Variants in CAMKMT observed in about 807,000 individuals in gnomAD.
CAMKMT encodes CaM KMT.
In CAMKMT, 53 loss-of-function variants were observed where a neutral mutation model predicts 48.0. That is an observed-to-expected ratio of 1.10 (90% CI 0.89 to 1.39). The LOEUF (loss-of-function observed/expected upper bound fraction) is 1.39, where lower values mean the gene tolerates loss of function less well. CAMKMT is among the 40% of genes most tolerant of loss of function. CAMKMT has a pLI of 0.00. For synonymous variants in CAMKMT, 165 were observed against 152.3 expected (o/e 1.08, Z -0.61); for missense variants, 428 against 402.7 (o/e 1.06, Z -0.54).
intron 7 of CAMKMT, among the ~76,000 whole-genome samples, chr2:44,722,570 T>C (rs1008450664): frequency 6.6e-6 from 1 of 152,130 alleles, no homozygotes; most frequent in African/African-American, 2.4e-5. Flanking sequence ...TTTTACCCCA[T>C]TATTTTGTAC....
chr2:44,771,494 T>A (rs923926866), intron 10 of CAMKMT, among the ~76,000 whole-genome samples: 5 of 150,150 alleles, frequency 3.3e-5, no homozygotes, highest in Non-Finnish European at 7.5e-5. Flanking sequence ...TGTTGGAGTA[T>A]GTTCTCCTCC....
chr2:44,478,944 C>T (rs917573009), intron 3 of CAMKMT, among the ~76,000 whole-genome samples: 2 of 152,162 alleles, frequency 1.3e-5, no homozygotes, highest in Non-Finnish European at 2.9e-5. Flanking sequence ...CGTGATCCGC[C>T]CGCCTCGGCC....
rs1222957320 is a variant in CAMKMT, at chr2:44,456,451, AATT to A, written c.376+66152_376+66154del. 3.0e-6 allele frequency: 4 copies of A among 1,315,646 alleles called. No homozygotes were observed. The Admixed American group carries it at 8.3e-5, about 27-fold the overall frequency. 81.5% of individuals were successfully genotyped at this position (1,315,646 alleles called of 1,614,324 possible). On this transcript the variant is annotated intron_variant, in intron 3 of 10. Coordinates refer to ENST00000378494, the MANE Select transcript of CAMKMT (RefSeq NM_024766.5). ...AGCCCTCTTACCCTCTATTTCTCAG[AATT>A]ATTATATAAATATGTACATTCTTGT...
intron 3 of CAMKMT, among the ~76,000 whole-genome samples, chr2:44,410,190 T>C (rs1208901350): frequency 1.6e-5 from 2 of 122,978 alleles, no homozygotes; most frequent in Non-Finnish European, 3.3e-5. Context: ...CCAGTAGTAA[T>C]ACGTGTATCC....
chr2:44,559,394 C>T (rs1211840195), intron 3 of CAMKMT, among the ~76,000 whole-genome samples: 1 of 152,128 alleles, frequency 6.6e-6, no homozygotes, highest in African/African-American at 2.4e-5. Context: ...CATCAAGAGC[C>T]TATGTGTTCC....
intron 9 of CAMKMT, among the ~76,000 whole-genome samples, chr2:44,755,533 C>T (rs1334106443): frequency 6.6e-6 from 1 of 152,092 alleles, no homozygotes; most frequent in Non-Finnish European, 1.5e-5. Flanking sequence ...ACAAATAGTA[C>T]TTCACTCATC....
At chr2:44,571,536 A>G (rs1668901805) in intron 3 of CAMKMT, among the ~76,000 whole-genome samples, 1 of 152,214 alleles carries the variant, frequency 6.6e-6, no homozygotes, top group African/African-American at 2.4e-5. Flanking sequence ...AATCCTGTGT[A>G]TTCTCTTATT....
chr2:44,739,765 G>A (rs575898820), intron 7 of CAMKMT, among the ~76,000 whole-genome samples: 27 of 152,272 alleles, frequency 1.8e-4, no homozygotes, highest in South Asian at 6.2e-4. Context: ...GCAACAGAGC[G>A]TCAAACAATT....
intron 3 of CAMKMT, among the ~76,000 whole-genome samples, chr2:44,689,264 T>TTTTATTTATTTA (rs148599125): frequency 0.048 from 6,530 of 136,184 alleles, 228 homozygotes; most frequent in Non-Finnish European, 0.063. Context: ...CAGCACTATT[T>TTTTATTTATTTA]TTTATTTATT....
intron 3 of CAMKMT, among the ~76,000 whole-genome samples, chr2:44,644,945 T>C (rs1350015310): frequency 6.6e-6 from 1 of 152,244 alleles, no homozygotes; most frequent in East Asian, 1.9e-4. Flanking sequence ...GCAAGAGTTC[T>C]GTCGTTCTCT....
chr2:44,732,512 C>T (rs942006290), intron 7 of CAMKMT, among the ~76,000 whole-genome samples: 9 of 152,126 alleles, frequency 5.9e-5, no homozygotes, highest in Admixed American at 5.9e-4. Flanking sequence ...GATGGTAAAA[C>T]TTATATAGGT....
At chr2:44,739,838 A>T (rs1425408281) in intron 7 of CAMKMT, among the ~76,000 whole-genome samples, 1 of 152,186 alleles carries the variant, frequency 6.6e-6, no homozygotes, top group Admixed American at 6.5e-5. Flanking sequence ...TCAGGAGAGG[A>T]TATTTTACAA....
At chr2:44,686,751 C>G (rs77364535) in intron 3 of CAMKMT, among the ~76,000 whole-genome samples, 5,107 of 152,242 alleles carry the variant, frequency 0.034, 119 homozygotes, top group Non-Finnish European at 0.052. Flanking sequence ...GATGACTAAC[C>G]CTATGCTCAT....
chr2:44,395,928 C>A (rs1347476368), intron 3 of CAMKMT, among the ~76,000 whole-genome samples: 1 of 151,990 alleles, frequency 6.6e-6, no homozygotes, highest in Non-Finnish European at 1.5e-5. Flanking sequence ...TGCAGAAATA[C>A]ACATATAAAT....
At chr2:44,395,949 A>C (rs1681797685) in intron 3 of CAMKMT, among the ~76,000 whole-genome samples, 1 of 152,150 alleles carries the variant, frequency 6.6e-6, no homozygotes, top group African/African-American at 2.4e-5. Context: ...CAATATTTTT[A>C]GAATAAAGTG....
chr2:44,565,683 G>A (rs1420724003), intron 3 of CAMKMT, among the ~76,000 whole-genome samples: 1 of 151,712 alleles, frequency 6.6e-6, no homozygotes, highest in African/African-American at 2.4e-5. Flanking sequence ...CCTGGAGAGT[G>A]GTCTGAGTCT....
intron 3 of CAMKMT, among the ~76,000 whole-genome samples, chr2:44,473,256 C>T (rs1035413421): frequency 6.6e-6 from 1 of 151,956 alleles, no homozygotes; most frequent in African/African-American, 2.4e-5. Context: ...TGATAGGTAT[C>T]GCATTAAAAA....
chr2:44,636,741 G>A (rs1673155676), intron 3 of CAMKMT, among the ~76,000 whole-genome samples: 1 of 152,142 alleles, frequency 6.6e-6, no homozygotes, highest in South Asian at 2.1e-4. Context: ...CAGTTTAAGA[G>A]CAACAATACA....
chr2:44,472,265 G>A (rs1668461317), intron 3 of CAMKMT, among the ~76,000 whole-genome samples: 1 of 152,010 alleles, frequency 6.6e-6, no homozygotes, highest in African/African-American at 2.4e-5. Flanking sequence ...AGTAGAGATG[G>A]GGTTTCACTC....
Sources: allele counts gnomAD v4.1 joint callset (sites outside exome capture counted in the v4.1 genomes callset), GRCh38; gene constraint gnomAD v4.1.1; transcripts MANE v1.5; gene names NCBI Gene and HGNC (gene_info 2026-07-23, HGNC 2026-07-21).